The following DGKI variants were observed in gnomAD, a reference collection of about 807,000 sequenced individuals.
DGKI encodes the protein diacylglycerol kinase iota, also known as DAG kinase iota.
Under a neutral mutation model 147.5 loss-of-function variants are expected in DGKI, and 55 were observed. The ratio of observed to expected loss-of-function variants is 0.37; its 90% confidence interval spans 0.30 to 0.47. DGKI has a LOEUF of 0.47. Among genes scored for constraint, DGKI ranks in the 20% least tolerant of loss-of-function variants. The pLI is 1.00. For synonymous variants in DGKI, 469 were observed against 477.1 expected (o/e 0.98, Z 0.22); for missense variants, 1,007 against 1,323.8 (o/e 0.76, Z 3.71).
At chr7:137,491,962 G>T (rs1422782855) in intron 21 of DGKI, among the ~76,000 whole-genome samples, 1 of 152,198 alleles carries the variant, frequency 6.6e-6, no homozygotes, top group African/African-American at 2.4e-5. Context: ...GAAATCCCTA[G>T]ATGAGCCCTT....
At chr7:137,425,626 A>G (rs1812768892) in intron 28 of DGKI, among the ~76,000 whole-genome samples, 1 of 152,202 alleles carries the variant, frequency 6.6e-6, no homozygotes, top group Admixed American at 6.5e-5. Flanking sequence ...ATTCAAACCA[A>G]AGGCAAACAA....
Position 137,381,520 on chromosome 7 carries a change from C to T in DGKI, c.*9700G>A, listed in dbSNP as rs1811060312. 1 of 151,642 alleles carries T rather than the reference C, an allele frequency of 6.6e-6. No individual in the cohort carries two copies. Among genetic ancestry groups the T allele is most frequent in the East Asian group, 1.9e-4 (1 of 5,158 alleles). The allele number at this position is 151,642 out of a possible 1,614,324, so 9.4% of individuals were successfully genotyped here. A position where few individuals can be genotyped will look rare whatever the true frequency, so the allele number is the denominator to read the frequency against. On this transcript the variant is annotated 3_prime_UTR_variant, in exon 33 of 33. Transcript: ENST00000614521. ...ACTCTTCATACAGATGTAGCCTTTGCGAGTGGAATACCCACAGCCAAGGGT... is the reference window on the plus strand; with the variant it reads ...ACTCTTCATACAGATGTAGCCTTTGTGAGTGGAATACCCACAGCCAAGGGT...
At chr7:137,414,019 T>C (rs1053164191) in intron 28 of DGKI, among the ~76,000 whole-genome samples, 1 of 152,244 alleles carries the variant, frequency 6.6e-6, no homozygotes, top group African/African-American at 2.4e-5. Flanking sequence ...ATAATTTAAA[T>C]GTATTTTGCA....
At position 137,469,573 on chromosome 7, in the gene DGKI, G is replaced by A; in HGVS notation, c.2420C>T (p.Ser807Phe). 1.2e-6 allele frequency: 2 copies of A among 1,614,058 alleles called. No homozygotes were observed. The highest frequency in any genetic ancestry group is 2.2e-5 in the South Asian group (2 of 91,068). ...FPRALSAQRL[S>F]PRWCFLDATS... ...ACCATCTAGGAAGCACCACCGAGGA[G>A]AGAGCCTCTGTGCTGAGAGAGCCCT... is the stretch of plus-strand genomic sequence containing the variant. Residue 807 changes from serine to phenylalanine, a missense_variant, in exon 24 of 33, where the codon TCT (serine) becomes TTT (phenylalanine). By Grantham distance (155) the Ser-to-Phe change is radical. Transcript: ENST00000614521.
intron 19 of DGKI, among the ~76,000 whole-genome samples, chr7:137,562,788 A>C (rs1818460735): frequency 6.6e-6 from 1 of 152,172 alleles, no homozygotes; most frequent in South Asian, 2.1e-4. Flanking sequence ...CTTGCCTTAA[A>C]GAAATCTCAA....
In DGKI at chr7:137,714,062, C is replaced by T. The variant is rs144186401; in HGVS notation, c.402-24060G>A. On this transcript the variant is annotated intron_variant, in intron 1 of 32. Coordinates refer to ENST00000614521, the MANE Select transcript of DGKI (RefSeq NM_001321708.2). The stretch of plus-strand genomic sequence containing the variant: ...ATGACCAAATTTATAGGATCTCTTA[C>T]TATCTGTGGTATAATTTATTTGAAT... 6.3e-3 allele frequency among the ~76,000 whole-genome samples: 952 copies of T among 152,312 alleles called. 12 individuals are homozygous for T. Among genetic ancestry groups the T allele is most frequent in the African/African-American group, 0.022 (905 of 41,562 alleles).
intron 1 of DGKI, among the ~76,000 whole-genome samples, chr7:137,796,946 A>G (rs549248752): frequency 2.6e-4 from 39 of 152,352 alleles, no homozygotes; most frequent in Admixed American, 1.3e-4. Flanking sequence ...GTATTAGTCT[A>G]TACATCTAAG....
intron 1 of DGKI, among the ~76,000 whole-genome samples, chr7:137,746,722 A>C (rs1020050635): frequency 1.2e-4 from 19 of 152,076 alleles, no homozygotes; most frequent in African/African-American, 4.3e-4. Flanking sequence ...TTAGGTGTAG[A>C]TCTGAGGTTG....
chr7:137,463,382 G>T, intron 27 of DGKI, 107 bp downstream of exon 27: 1 of 1,476,400 alleles, frequency 6.8e-7, no homozygotes, highest in East Asian at 2.3e-5. Flanking sequence ...GAGACAGCCT[G>T]AGCGCCATTG....
intron 27 of DGKI, among the ~76,000 whole-genome samples, chr7:137,463,223 G>A (rs1771257369): frequency 6.6e-6 from 1 of 152,238 alleles, no homozygotes; most frequent in African/African-American, 2.4e-5. Flanking sequence ...GAAGACACTG[G>A]TGAGGTTTAA....
chr7:137,670,148 T>C (rs1183486732), intron 3 of DGKI, among the ~76,000 whole-genome samples: 3 of 152,236 alleles, frequency 2.0e-5, no homozygotes, highest in Non-Finnish European at 4.4e-5. Context: ...GTATATTGTT[T>C]TCTTTTGAGT....
rs116051884 is a variant in DGKI, at chr7:137,691,629, G to T, written c.402-1627C>A. On this transcript the variant is annotated intron_variant, in intron 1 of 32. Coordinates refer to ENST00000614521, the MANE Select transcript of DGKI (RefSeq NM_001321708.2). ...AGGTAATCTTTTCATCCTGCTCAGC[G>T]ACCTCTGCAAACTCCCTCCAAAAAA... Among the ~76,000 whole-genome samples the T allele has an allele frequency of 2.9e-3, 439 of 152,182 alleles. 2 individuals carry two copies. Among genetic ancestry groups the T allele is most frequent in the African/African-American group, 0.01 (427 of 41,502 alleles).
At chr7:137,415,782 C>T (rs1024738483) in intron 28 of DGKI, among the ~76,000 whole-genome samples, 1 of 152,048 alleles carries the variant, frequency 6.6e-6, no homozygotes, top group Non-Finnish European at 1.5e-5. Context: ...GAGTTCAAGA[C>T]CAGCCTGGCC....
chr7:137,397,506 G>T, intron 30 of DGKI, 93 bp from the exon 31 acceptor site: 1 of 1,279,200 alleles, frequency 7.8e-7, no homozygotes, highest in South Asian at 1.3e-5. Flanking sequence ...AAATGCCTTG[G>T]AAAGCTAAAT....
intron 1 of DGKI, among the ~76,000 whole-genome samples, chr7:137,706,992 A>T (rs1794056818): frequency 6.6e-6 from 1 of 152,240 alleles, no homozygotes; most frequent in East Asian, 1.9e-4. Flanking sequence ...TGAATGAGAA[A>T]GAGCTTTATT....
intron 12 of DGKI, among the ~76,000 whole-genome samples, chr7:137,593,157 C>T (rs1219683079): frequency 6.6e-6 from 1 of 152,080 alleles, no homozygotes; most frequent in Non-Finnish European, 1.5e-5. Flanking sequence ...TAATGTCAGG[C>T]CTTTTGGAAA....
intron 10 of DGKI, among the ~76,000 whole-genome samples, chr7:137,601,163 C>A (rs141088106): frequency 6.6e-6 from 1 of 151,490 alleles, no homozygotes; most frequent in Non-Finnish European, 1.5e-5. Flanking sequence ...CCCAGCTACT[C>A]GGGAGGCTGA....
At chr7:137,593,271 T>C (rs1819676982) in intron 12 of DGKI, among the ~76,000 whole-genome samples, 1 of 152,128 alleles carries the variant, frequency 6.6e-6, no homozygotes, top group African/African-American at 2.4e-5. Context: ...GGAACCATAA[T>C]GAGAGTACGT....
intron 6 of DGKI, among the ~76,000 whole-genome samples, chr7:137,640,018 T>TTGG (rs1240173947): frequency 2.6e-5 from 4 of 151,998 alleles, no homozygotes; most frequent in Non-Finnish European, 4.4e-5. Context: ...TTTTTTTTTT[T>TTGG]TGGTGGTGGT....
Sources: gnomAD v4.1 joint callset for allele counts (sites outside exome capture counted in the v4.1 genomes callset) on GRCh38, gnomAD v4.1.1 for gene constraint, MANE v1.5 for transcripts, NCBI Gene and HGNC (gene_info 2026-07-23, HGNC 2026-07-21) for gene names.